The following LRRFIP1 variants were observed in gnomAD, a reference collection of about 807,000 sequenced individuals.
LRRFIP1 encodes the protein LRR binding FLII interacting protein 1, also known as leucine-rich repeat flightless-interacting protein 1.
In LRRFIP1, 62 loss-of-function variants were observed where a neutral mutation model predicts 104.4. The observed-to-expected ratio is 0.59, with a 90% CI of 0.48 to 0.73. The LOEUF (loss-of-function observed/expected upper bound fraction) is 0.73, where lower values mean the gene tolerates loss of function less well. Ranked by LOEUF, LRRFIP1 falls within the 30% of genes least tolerant of loss-of-function variation. The pLI is 0.00. For missense variants in LRRFIP1, 796 were observed against 824.5 expected, an observed-to-expected ratio of 0.97 and a Z score of 0.42; for synonymous variants, 300 against 299.0, an observed-to-expected ratio of 1.00 and a Z score of -0.03.
chr2:237,769,185 T>C (rs1242797804), intron 19 of LRRFIP1: 4 of 152,290 alleles, frequency 2.6e-5, no homozygotes, highest in Non-Finnish European at 5.9e-5. Context: ...CTGTCATCAC[T>C]CCAGCATTCT....
At chr2:237,758,868 C>T in intron 18 of LRRFIP1, 47 bp downstream of exon 18, 1 of 1,309,178 alleles carries the variant, frequency 7.6e-7, no homozygotes, top group Middle Eastern at 2.0e-4. Context: ...GAAAAAAAAT[C>T]CAGGTGACAA....
intron 1 of LRRFIP1, among the ~76,000 whole-genome samples, chr2:237,667,990 C>T (rs375444108): frequency 4.8e-4 from 73 of 152,088 alleles, no homozygotes; most frequent in African/African-American, 1.5e-3. Flanking sequence ...CCCTGGATGC[C>T]CTCATGTCCT....
At position 237,711,658 on chromosome 2, in the gene LRRFIP1, G is replaced by A. The variant is rs1022111959; in HGVS notation, c.184-2601G>A. Among the ~76,000 whole-genome samples, 17 of 152,238 alleles carry A rather than the reference G, an allele frequency of 1.1e-4. No individual in the cohort carries two copies. The highest frequency in any genetic ancestry group is 4.1e-4 in the African/African-American group (17 of 41,466). Reference sequence around the variant, plus strand: ...CCTGCCTGGGGTTGGTCACGGACCAGGAGCCAGAGCCACCCAAATTTACCA... The same window carrying A: ...CCTGCCTGGGGTTGGTCACGGACCAAGAGCCAGAGCCACCCAAATTTACCA... On this transcript the variant is annotated intron_variant, in intron 2 of 23. Transcript: ENST00000308482. This position sits in a 1 kb window ranked among gnomAD's most constrained non-coding sequence, Gnocchi z 4.4.
chr2:237,692,819 G>T (rs1212516684), intron 1 of LRRFIP1, among the ~76,000 whole-genome samples: 1 of 152,286 alleles, frequency 6.6e-6, no homozygotes, highest in Non-Finnish European at 1.5e-5. Flanking sequence ...CTCTGACCAG[G>T]TCTGCGCCTG....
At chr2:237,763,563 A>G in intron 19 of LRRFIP1, 1 of 1,613,230 alleles carries the variant, frequency 6.2e-7, no homozygotes, top group South Asian at 1.1e-5. Flanking sequence ...ACTGACAGAA[A>G]GTCAGCAGTG....
rs760040992 is a variant in LRRFIP1, at chr2:237,723,582, C to T, written c.380C>T (p.Ala127Val). ...QPDLEYGGPY[A>V]WTNGYDGELY... ...GACTTGGAGTATGGGGGTCCTTACGCCTGGGTGAGATGGTCGGATATACTT... is the reference window on the plus strand; with the variant it reads ...GACTTGGAGTATGGGGGTCCTTACGTCTGGGTGAGATGGTCGGATATACTT... The change falls in exon 7 of 24, where the codon GCC (alanine) becomes GTC (valine). Residue 127 changes from alanine to valine, a missense_variant. Coordinates refer to ENST00000308482, the MANE Select transcript of LRRFIP1 (RefSeq NM_001137550.2). 2 of 1,613,880 alleles carry T rather than the reference C, an allele frequency of 1.2e-6. No homozygotes were observed. The highest frequency in any genetic ancestry group is 1.7e-6 in the Non-Finnish European group (2 of 1,179,862).
At chr2:237,779,370 T>C (rs556297059) in intron 23 of LRRFIP1, 52 bp from the exon 24 acceptor site, 140 of 1,594,076 alleles carry the variant, frequency 8.8e-5, no homozygotes, top group Middle Eastern at 1.7e-4. Context: ...AACCCTGTTA[T>C]GTTTGGAGGA....
intron 1 of LRRFIP1, among the ~76,000 whole-genome samples, chr2:237,676,520 T>G (rs1045964983): frequency 6.6e-6 from 1 of 152,158 alleles, no homozygotes; most frequent in Non-Finnish European, 1.5e-5. Context: ...TCGTTTTGTT[T>G]TTTGAGACAG....
chr2:237,759,710 G>C (rs2059663521), intron 18 of LRRFIP1, among the ~76,000 whole-genome samples: 1 of 152,172 alleles, frequency 6.6e-6, no homozygotes, highest in Non-Finnish European at 1.5e-5. Context: ...AATGCAATCA[G>C]GGTTTTGAAA....
chr2:237,752,180 T>G (rs1179921633), intron 14 of LRRFIP1, among the ~76,000 whole-genome samples: 1 of 152,072 alleles, frequency 6.6e-6, no homozygotes, highest in Non-Finnish European at 1.5e-5. Flanking sequence ...CCGAGGTGGG[T>G]GGATCACCGG....
At chr2:237,775,641 G>A (rs1254443314) in intron 23 of LRRFIP1, among the ~76,000 whole-genome samples, 4 of 152,182 alleles carry the variant, frequency 2.6e-5, no homozygotes, top group Non-Finnish European at 5.9e-5. Context: ...AGACCAGTGT[G>A]GGCAACATAG....
intron 1 of LRRFIP1, among the ~76,000 whole-genome samples, chr2:237,673,122 A>G (rs1177297308): frequency 6.6e-6 from 1 of 152,256 alleles, no homozygotes; most frequent in Non-Finnish European, 1.5e-5. Context: ...TTCTTCAGCT[A>G]AGGGCTGGGC....
At chr2:237,776,115 C>T (rs1576458049) in intron 23 of LRRFIP1, among the ~76,000 whole-genome samples, 1 of 152,252 alleles carries the variant, frequency 6.6e-6, no homozygotes, top group African/African-American at 2.4e-5. Flanking sequence ...CACCCACCAT[C>T]ATGCCTGGCT....
intron 19 of LRRFIP1, chr2:237,762,846 G>A (rs1271602038): frequency 6.2e-7 from 1 of 1,614,088 alleles, no homozygotes; most frequent in East Asian, 2.2e-5. Flanking sequence ...ATTCTTGAGA[G>A]CAGTTCTCTC....
intron 1 of LRRFIP1, among the ~76,000 whole-genome samples, chr2:237,680,940 C>T (rs2149635915): frequency 6.6e-6 from 1 of 152,256 alleles, no homozygotes; most frequent in Admixed American, 6.5e-5. Flanking sequence ...ATGATCACGC[C>T]ACTGCACTCC....
At chr2:237,696,089 A>G (rs2093167096) in intron 1 of LRRFIP1, among the ~76,000 whole-genome samples, 1 of 152,234 alleles carries the variant, frequency 6.6e-6, no homozygotes, top group African/African-American at 2.4e-5. Context: ...TAACTTTACA[A>G]CTTTAAAACT....
At chr2:237,728,072 C>G in intron 8 of LRRFIP1, 137 bp downstream of exon 8, 2 of 620,648 alleles carry the variant, frequency 3.2e-6, no homozygotes, top group South Asian at 2.1e-5. Flanking sequence ...CTTTTTTTTC[C>G]TAGCACATGA....
In LRRFIP1 at chr2:237,691,980, C is replaced by A. The variant is rs1258671896; in HGVS notation, c.97-16564C>A. On this transcript the variant is annotated intron_variant, in intron 1 of 23. Transcript: ENST00000308482. The surrounding 1 kb of genome is among the most constrained non-coding windows in gnomAD (Gnocchi z 5.4). ...GCCGTGGGGCGGGGCCTGGGTGGGGCGGAGCCGGTGGGGGTGGGGAAAGGG... is the reference window on the plus strand; with the variant it reads ...GCCGTGGGGCGGGGCCTGGGTGGGGAGGAGCCGGTGGGGGTGGGGAAAGGG... Among the ~76,000 whole-genome samples the A allele has an allele frequency of 3.7e-4, 30 of 80,962 alleles. No individual in the cohort carries two copies. The highest frequency in any genetic ancestry group is 1.3e-3 in the African/African-American group (25 of 19,180). The allele number at this position is 80,962 out of a possible 152,430, so 53.1% of individuals were successfully genotyped here. A position where few individuals can be genotyped will look rare whatever the true frequency, so the allele number is the denominator to read the frequency against.
rs146299763 is a variant in LRRFIP1 at position 237,772,692 on chromosome 2, A to T, written c.1628-174A>T. On this transcript the variant is annotated intron_variant, in intron 21 of 23. Coordinates refer to ENST00000308482, the MANE Select transcript of LRRFIP1 (RefSeq NM_001137550.2). Reference sequence around the variant, plus strand: ...GGCGGAAGGCACTTTCCCTGGGTTCATGGGGAGAGAGTGCCTTCTCCTACT... The same window carrying T: ...GGCGGAAGGCACTTTCCCTGGGTTCTTGGGGAGAGAGTGCCTTCTCCTACT... The T allele has an allele frequency of 5.8e-3, 3,518 of 604,422 alleles. 91 individuals are homozygous for T. Among genetic ancestry groups the T allele is most frequent in the African/African-American group, 0.054 (2,914 of 53,970 alleles). The allele number at this position is 604,422 out of a possible 1,614,324, so 37.4% of individuals were successfully genotyped here.
Sources: gnomAD v4.1 joint callset for allele counts (sites outside exome capture counted in the v4.1 genomes callset) on GRCh38, gnomAD v4.1.1 for gene constraint, Gnocchi (gnomAD v3.1) non-coding constraint, MANE v1.5 for transcripts, NCBI Gene and HGNC (gene_info 2026-07-23, HGNC 2026-07-21) for gene names.